The following C2CD3 variants were observed in gnomAD, a reference collection of about 807,000 sequenced individuals.
C2CD3 encodes C2 domain-containing protein 3.
Under a neutral mutation model 234.0 loss-of-function variants are expected in C2CD3, and 148 were observed. The observed-to-expected ratio is 0.63, with a 90% CI of 0.55 to 0.72. The LOEUF (loss-of-function observed/expected upper bound fraction) is 0.72, where lower values mean the gene tolerates loss of function less well. Among genes scored for constraint, C2CD3 ranks in the 30% least tolerant of loss-of-function variants. The probability of loss-of-function intolerance (pLI) is 0.00; values close to 1 mark genes in which losing one functional copy is unlikely to be tolerated. For missense variants in C2CD3, 2,577 were observed against 2,811.5 expected (o/e 0.92, Z 1.89); for synonymous variants, 1,000 against 1,035.4 (o/e 0.97, Z 0.66).
chr11:74,167,796 T>C (rs10898962), intron 2 of C2CD3, among the ~76,000 whole-genome samples: 28,131 of 152,258 alleles, frequency 0.18, 2,761 homozygotes, highest in East Asian at 0.3. Flanking sequence ...TCTGGTTCCC[T>C]ACAGAGGGAT....
intron 29 of C2CD3, among the ~76,000 whole-genome samples, chr11:74,041,099 GTTCTT>G (rs1953028607): frequency 1.3e-5 from 2 of 150,816 alleles, no homozygotes; most frequent in Non-Finnish European, 2.9e-5. Flanking sequence ...CCTCCATATT[GTTCTT>G]TTAAGTGGTT....
In C2CD3 at chr11:74,031,260, T is replaced by G. The variant is rs558000378; in HGVS notation, c.6809+2091A>C. ...ATTTTACAGATGAGGAAAGTGAAGT[T>G]TCTTTGCTTTAGAATAGAGTCCAAG... On this transcript the variant is annotated intron_variant, in intron 31 of 32. Coordinates refer to ENST00000334126, the MANE Select transcript of C2CD3 (RefSeq NM_001286577.2). Among the ~76,000 whole-genome samples, 5 of 152,322 alleles carry G rather than the reference T, an allele frequency of 3.3e-5. No homozygotes were observed. The East Asian group carries it at 9.6e-4, about 29-fold the overall frequency.
chr11:74,149,058 G>T lies in C2CD3; in HGVS notation c.484-9230C>A, dbSNP rs78441311. Among the ~76,000 whole-genome samples, 489 of 152,172 alleles carry T rather than the reference G, an allele frequency of 3.2e-3. 1 individual carries two copies. The highest frequency in any genetic ancestry group is 0.011 in the African/African-American group (461 of 41,502). Reference sequence around the variant, plus strand: ...CTTTCAATTTCTATACCTGATTCCTGTGGTATTTACCTCTATAGCTCCAAA... The same window carrying T: ...CTTTCAATTTCTATACCTGATTCCTTTGGTATTTACCTCTATAGCTCCAAA... On this transcript the variant is annotated intron_variant, in intron 3 of 32. Transcript: ENST00000334126.
chr11:74,047,761 C>T (rs1191686757), intron 28 of C2CD3, among the ~76,000 whole-genome samples: 3 of 152,198 alleles, frequency 2.0e-5, no homozygotes, highest in Non-Finnish European at 2.9e-5. Flanking sequence ...CAACCTTATT[C>T]TTAGACCCTG....
intron 5 of C2CD3, among the ~76,000 whole-genome samples, chr11:74,133,984 G>A (rs1957772588): frequency 6.6e-6 from 1 of 152,116 alleles, no homozygotes; most frequent in South Asian, 2.1e-4. Flanking sequence ...TAATGGAAAA[G>A]TCAGGATAAA....
intron 2 of C2CD3, among the ~76,000 whole-genome samples, chr11:74,162,323 A>C (rs187027237): frequency 2.6e-4 from 40 of 152,324 alleles, no homozygotes; most frequent in Non-Finnish European, 5.1e-4. Flanking sequence ...ATCTGTGTAA[A>C]TAAAAGAAAT....
intron 24 of C2CD3, among the ~76,000 whole-genome samples, chr11:74,059,410 CAAAAAAAAAAAAAAA>C (rs57052333): frequency 6.7e-5 from 2 of 29,958 alleles, no homozygotes; most frequent in Non-Finnish European, 6.7e-5. Flanking sequence ...GACTCTGTCT[CAAAAAAAAAAAAAAA>C]AAAAAAAAAA....
At chr11:74,132,817 G>C in intron 7 of C2CD3, 27 bp downstream of exon 7, 1 of 1,605,676 alleles carries the variant, frequency 6.2e-7, no homozygotes, top group Non-Finnish European at 8.5e-7. Context: ...GAGTTTAAAA[G>C]GAAGAAAGCC....
chr11:74,142,931 A>G (rs1854903917), intron 3 of C2CD3, among the ~76,000 whole-genome samples: 1 of 152,120 alleles, frequency 6.6e-6, no homozygotes, highest in African/African-American at 2.4e-5. Flanking sequence ...ATTTTATACA[A>G]ATTACTTTAC....
Position 74,060,780 on chromosome 11 carries a change from G to C in C2CD3, c.4952-3236C>G, listed in dbSNP as rs141642318. Among the ~76,000 whole-genome samples, 532 of 152,340 alleles carry C rather than the reference G, an allele frequency of 3.5e-3. 3 individuals carry two copies. The highest frequency in any genetic ancestry group is 0.012 in the African/African-American group (511 of 41,578). ...AAGTTGGACGGAGAATGACTTTGACGAGTTGAGAGAAGAAGGCTTCAGACC... is the reference window on the plus strand; with the variant it reads ...AAGTTGGACGGAGAATGACTTTGACCAGTTGAGAGAAGAAGGCTTCAGACC... On this transcript the variant is annotated intron_variant, in intron 24 of 32. Transcript: ENST00000334126.
intron 25 of C2CD3, among the ~76,000 whole-genome samples, chr11:74,056,798 G>T (rs1390157059): frequency 1.3e-5 from 2 of 152,048 alleles, no homozygotes; most frequent in Admixed American, 1.3e-4. Context: ...ATATTTAGCT[G>T]AGGTGTCTTA....
chr11:74,134,726 C>A (rs1957801547), intron 5 of C2CD3, among the ~76,000 whole-genome samples: 1 of 152,100 alleles, frequency 6.6e-6, no homozygotes, highest in Non-Finnish European at 1.5e-5. Context: ...TAGTCTTACT[C>A]ATTATTTACA....
At chr11:74,071,410 G>C (rs1479497087) in intron 24 of C2CD3, among the ~76,000 whole-genome samples, 3 of 152,182 alleles carry the variant, frequency 2.0e-5, no homozygotes, top group Non-Finnish European at 4.4e-5. Flanking sequence ...TGTCAGTCAG[G>C]CACTGTGCTG....
intron 18 of C2CD3, 61 bp from the exon 19 acceptor site, chr11:74,092,649 C>T: frequency 7.1e-7 from 1 of 1,416,136 alleles, no homozygotes; most frequent in Admixed American, 1.9e-5. Context: ...TCAGTCTGCC[C>T]CACAGATCAG....
chr11:74,078,414 C>G lies in C2CD3; in HGVS notation c.4304G>C (p.Cys1435Ser). The G allele has an allele frequency of 1.9e-6, 3 of 1,614,150 alleles. No individual in the cohort carries two copies. The highest frequency in any genetic ancestry group is 2.5e-6 in the Non-Finnish European group (3 of 1,180,008). ...GHNHIHKNTY[C>S]YLRYKFYDHE... ...ATCATAGAACTTGTAGCGAAGGTAG[C>G]AATATGTATTCTTATGAATGTGGTT... Residue 1435 changes from cysteine to serine, a missense_variant, in exon 23 of 33, where the codon TGC becomes TCC. Cys to Ser is a moderately radical substitution (Grantham distance 112). Coordinates refer to ENST00000334126, the MANE Select transcript of C2CD3 (RefSeq NM_001286577.2).
intron 26 of C2CD3, among the ~76,000 whole-genome samples, chr11:74,054,128 C>T (rs191228205): frequency 2.0e-4 from 30 of 151,990 alleles, no homozygotes; most frequent in Middle Eastern, 3.4e-3. Flanking sequence ...AAAAATTAGC[C>T]GGGCGTGGTG....
intron 28 of C2CD3, among the ~76,000 whole-genome samples, chr11:74,044,497 C>T (rs1432358245): frequency 1.3e-5 from 2 of 150,872 alleles, no homozygotes; most frequent in East Asian, 3.9e-4. Flanking sequence ...TTCTCCCATT[C>T]TATGGGTTGT....
rs142285119 is a variant in C2CD3, at chr11:74,107,322, TCACA to T, written c.1963-833_1963-830del. On this transcript the variant is annotated intron_variant, in intron 12 of 32. Coordinates refer to ENST00000334126, the MANE Select transcript of C2CD3 (RefSeq NM_001286577.2). ...CCTGGGCAACAAGAATGAAACTGTG[TCACA>T]CACACACACACACACACACACACAC... Among the ~76,000 whole-genome samples, 113 of 146,530 alleles carry T rather than the reference TCACA, an allele frequency of 7.7e-4. 1 individual carries two copies. The highest frequency in any genetic ancestry group is 2.1e-3 in the Admixed American group (30 of 14,586).
intron 31 of C2CD3, among the ~76,000 whole-genome samples, chr11:74,032,943 A>G (rs1157212308): frequency 1.3e-5 from 2 of 152,138 alleles, no homozygotes; most frequent in Non-Finnish European, 2.9e-5. Flanking sequence ...CCTACCTAAA[A>G]GACTTGTGAT....
Sources: gnomAD v4.1 joint callset for allele counts (sites outside exome capture counted in the v4.1 genomes callset) on GRCh38, gnomAD v4.1.1 for gene constraint, MANE v1.5 for transcripts, NCBI Gene and HGNC (gene_info 2026-07-23, HGNC 2026-07-21) for gene names.